The following C5 variants were observed in gnomAD, a reference collection of about 807,000 sequenced individuals.
C5 encodes complement C5, also known as C3 and PZP-like alpha-2-macroglobulin domain-containing protein 4.
C5 carries 140 observed loss-of-function variants against 218.8 expected under a neutral mutation model. That is an observed-to-expected ratio of 0.64 (90% confidence interval 0.56 to 0.74). The LOEUF is 0.74. Ranked by LOEUF, C5 falls within the 30% of genes least tolerant of loss-of-function variation. C5 has a pLI of 0.00. For synonymous variants in C5, 614 were observed against 682.3 expected, an observed-to-expected ratio of 0.90 and a Z score of 1.56; for missense variants, 1,700 against 1,969.6, an observed-to-expected ratio of 0.86 and a Z score of 2.59.
In C5 at chr9:121,002,222, ATATATATG is replaced by A. The variant is rs1319166488; in HGVS notation, c.2562+3689_2562+3696del. On this transcript the variant is annotated intron_variant, in intron 20 of 40. Transcript: ENST00000223642. ...CGTATATATGTATATATACGTATATATATATATGTATATATGTATATGTATATATATGT... is the reference window on the plus strand; with the variant it reads ...CGTATATATGTATATATACGTATATATATATATGTATATGTATATATATGT... Among the ~76,000 whole-genome samples the A allele has an allele frequency of 1.3e-4, 11 of 85,322 alleles. No homozygotes were observed. The East Asian group carries it at 4.2e-3, about 33-fold the overall frequency. The allele number at this position is 85,322 out of a possible 152,430, so 56.0% of individuals were successfully genotyped here.
At chr9:121,018,742 A>AAAGGAAGGAAGGAAGG (rs765624136) in intron 12 of C5, among the ~76,000 whole-genome samples, 32 of 99,226 alleles carry the variant, frequency 3.2e-4, no homozygotes, top group Middle Eastern at 4.7e-3. Context: ...GGAAGGAAGG[A>AAAGGAAGGAAGGAAGG]AAGGAAGGAA....
intron 9 of C5, among the ~76,000 whole-genome samples, chr9:121,024,895 A>C (rs2047406532): frequency 6.6e-6 from 1 of 152,246 alleles, no homozygotes; most frequent in Non-Finnish European, 1.5e-5. Context: ...GCAATACTTT[A>C]AATATCTCAT....
intron 14 of C5, among the ~76,000 whole-genome samples, chr9:121,016,659 C>T (rs1587980425): frequency 1.3e-5 from 2 of 152,050 alleles, no homozygotes; most frequent in South Asian, 4.1e-4. Context: ...GTGTTTTGTA[C>T]ATAGAATGAA....
the C5 span, among the ~76,000 whole-genome samples, chr9:121,063,948 G>A: frequency 1.6e-4 from 24 of 151,954 alleles, no homozygotes; most frequent in Non-Finnish European, 2.4e-4. Context: ...GTTATTCTGG[G>A]GAAAATGGGG....
intron 25 of C5, among the ~76,000 whole-genome samples, chr9:120,984,742 G>C (rs10985114): frequency 1.1e-5 from 1 of 94,240 alleles, no homozygotes; most frequent in African/African-American, 4.4e-5. Flanking sequence ...TTTTTTTTCA[G>C]ACGGACTCTC....
At chr9:120,953,336 G>C (rs543650571) in intron 40 of C5, among the ~76,000 whole-genome samples, 1 of 152,178 alleles carries the variant, frequency 6.6e-6, no homozygotes, top group Non-Finnish European at 1.5e-5. Flanking sequence ...TTAAGGAATT[G>C]TAAAGCTGCC....
intron 6 of C5, 29 bp from the exon 7 acceptor site, chr9:121,030,516 A>G: frequency 1.5e-6 from 2 of 1,355,744 alleles, no homozygotes; most frequent in Non-Finnish European, 2.1e-6. Context: ...AGGTAATATT[A>G]CCATTTTGAT....
chr9:121,050,224 C>T lies in C5; in HGVS notation c.23G>A (p.Cys8Tyr). The change falls in exon 1 of 41, where the codon TGT (cysteine) becomes TAT (tyrosine). Residue 8 changes from cysteine (C) to tyrosine (Y), a missense_variant. Coordinates refer to ENST00000223642, the MANE Select transcript of C5 (RefSeq NM_001735.3). The part of the protein sequence containing the change: MGLLGIL[C>Y]FLIFLGKTWG... Reference sequence around the variant, plus strand: ...GGTTTTCCCCAGGAAGATTAAAAAACAAAGTATTCCCAAAAGGCCCATGGT... The same window carrying T: ...GGTTTTCCCCAGGAAGATTAAAAAATAAAGTATTCCCAAAAGGCCCATGGT... 4 of 1,613,878 alleles carry T rather than the reference C, an allele frequency of 2.5e-6. No homozygotes were observed. Among genetic ancestry groups the T allele is most frequent in the Non-Finnish European group, 3.4e-6 (4 of 1,179,794 alleles).
intron 31 of C5, 104 bp downstream of exon 31, chr9:120,971,826 C>T: frequency 2.4e-6 from 2 of 838,762 alleles, no homozygotes; most frequent in Non-Finnish European, 4.1e-6. Flanking sequence ...GTCATGGTTA[C>T]CCAAGCCCAG....
intron 28 of C5, chr9:120,979,595 GAATA>G (rs2046976772): frequency 5.2e-6 from 1 of 191,314 alleles, no homozygotes; most frequent in African/African-American, 2.4e-5. Flanking sequence ...TTGAATAAAG[GAATA>G]AATAGAGGAC....
At chr9:121,010,741 A>G (rs1009278747) in intron 17 of C5, among the ~76,000 whole-genome samples, 1 of 152,164 alleles carries the variant, frequency 6.6e-6, no homozygotes, top group Non-Finnish European at 1.5e-5. Context: ...ATTATACTAT[A>G]GTATAATTCA....
chr9:121,042,992 C>A lies in C5; in HGVS notation c.421+12G>T. 6.2e-7 allele frequency: 1 copy of A among 1,606,068 alleles called. No homozygotes were observed. ...ATCCCCCACCCAGAGGAAGAAATATCTTATAATCTACCTGACTGGTCTGGA... is the reference window on the plus strand; with the variant it reads ...ATCCCCCACCCAGAGGAAGAAATATATTATAATCTACCTGACTGGTCTGGA... On this transcript the variant is annotated intron_variant, in intron 3 of 40. Transcript: ENST00000223642.
At chr9:121,000,417 A>G (rs2047151749) in intron 20 of C5, among the ~76,000 whole-genome samples, 1 of 152,196 alleles carries the variant, frequency 6.6e-6, no homozygotes, top group Non-Finnish European at 1.5e-5. Context: ...ATAACCACAA[A>G]TCTATGGTAC....
chr9:121,018,177 C>T (rs994852126), intron 12 of C5, among the ~76,000 whole-genome samples: 11 of 141,340 alleles, frequency 7.8e-5, no homozygotes, highest in Non-Finnish European at 6.0e-5. Flanking sequence ...TACTGGAGCC[C>T]GAGAGGTGAA....
At chr9:120,975,877 T>C (rs1019482015) in intron 29 of C5, among the ~76,000 whole-genome samples, 3 of 152,192 alleles carry the variant, frequency 2.0e-5, no homozygotes, top group Non-Finnish European at 4.4e-5. Context: ...AAGGAATAAA[T>C]GAATAAACTT....
At chr9:121,071,390 T>TA in the C5 span, among the ~76,000 whole-genome samples, 279 of 149,586 alleles carry the variant, frequency 1.9e-3, 1 homozygote, top group African/African-American at 6.4e-3. Flanking sequence ...GAATAAAAAT[T>TA]AAAAAAAAAT....
rs1178531159 is a variant in C5, at chr9:121,048,576, TG to T, written c.65+1605del. On this transcript the variant is annotated intron_variant, in intron 1 of 40. Transcript: ENST00000223642. ...AACCTGTCCCTAGTGCCAAAATGGTTGGGGACTGCTGGTCTATGTGATGGTA... is the reference window on the plus strand; with the variant it reads ...AACCTGTCCCTAGTGCCAAAATGGTTGGGACTGCTGGTCTATGTGATGGTA... 7.9e-5 allele frequency among the ~76,000 whole-genome samples: 12 copies of T among 152,340 alleles called. No homozygotes were observed. The East Asian group carries it at 2.3e-3, about 29-fold the overall frequency.
chr9:121,034,183 G>A (rs1415421964), intron 5 of C5, among the ~76,000 whole-genome samples: 1 of 152,214 alleles, frequency 6.6e-6, no homozygotes, highest in African/African-American at 2.4e-5. Context: ...GCCTCCCAAA[G>A]CGTTGGGATT....
chr9:120,988,028 T>C (rs1416013691), intron 25 of C5, among the ~76,000 whole-genome samples: 1 of 152,190 alleles, frequency 6.6e-6, no homozygotes, highest in African/African-American at 2.4e-5. Flanking sequence ...CTTGACCTCA[T>C]GATCCGCCCG....
Sources: allele counts gnomAD v4.1 joint callset (sites outside exome capture counted in the v4.1 genomes callset), GRCh38; gene constraint gnomAD v4.1.1; transcripts MANE v1.5; gene names NCBI Gene and HGNC (gene_info 2026-07-23, HGNC 2026-07-21).